HS2ST1: variants seen among roughly 807,000 people sequenced by gnomAD.
HS2ST1 encodes heparan sulfate 2-O-sulfotransferase 1.
A neutral mutation model predicts 42.9 loss-of-function variants in HS2ST1; 18 were observed. The ratio of observed to expected loss-of-function variants is 0.42; its 90% CI spans 0.29 to 0.62. HS2ST1 has a LOEUF of 0.62. HS2ST1 is among the 20% of genes least tolerant of loss of function. The pLI is 0.21. For synonymous variants in HS2ST1, 146 were observed against 152.9 expected, an observed-to-expected ratio of 0.95 and a Z score of 0.33; for missense variants, 334 against 433.8, an observed-to-expected ratio of 0.77 and a Z score of 2.04.
intron 1 of HS2ST1, among the ~76,000 whole-genome samples, chr1:87,022,337 T>C (rs527810310): frequency 1.3e-5 from 2 of 152,010 alleles, no homozygotes; most frequent in Admixed American, 1.3e-4. Flanking sequence ...TACTCATATA[T>C]TGTTATGAGC....
intron 3 of HS2ST1, among the ~76,000 whole-genome samples, chr1:87,086,170 C>T (rs1651811446): frequency 6.6e-6 from 1 of 152,094 alleles, no homozygotes; most frequent in Non-Finnish European, 1.5e-5. Flanking sequence ...ATCGCCTTAC[C>T]AATTTTTTAG....
chr1:86,918,464 T>A (rs1009952892), intron 1 of HS2ST1, among the ~76,000 whole-genome samples: 1 of 151,974 alleles, frequency 6.6e-6, no homozygotes, highest in Non-Finnish European at 1.5e-5. Flanking sequence ...GTCCCCCATC[T>A]GTCGTGTGTG....
At chr1:86,949,807 A>G (rs1281147572) in intron 1 of HS2ST1, among the ~76,000 whole-genome samples, 1 of 152,120 alleles carries the variant, frequency 6.6e-6, no homozygotes, top group East Asian at 1.9e-4. Flanking sequence ...TTTTACCCCC[A>G]ATAATTAGAC....
chr1:87,072,202 A>G (rs1651429530), intron 1 of HS2ST1, among the ~76,000 whole-genome samples: 1 of 152,156 alleles, frequency 6.6e-6, no homozygotes. Context: ...CATAGTTTCT[A>G]ATGCAACACC....
chr1:86,942,533 T>C (rs1000655925), intron 1 of HS2ST1, among the ~76,000 whole-genome samples: 1 of 152,148 alleles, frequency 6.6e-6, no homozygotes, highest in Admixed American at 6.5e-5. Flanking sequence ...ATTTTTGGAG[T>C]TCTAAATCTA....
intron 1 of HS2ST1, among the ~76,000 whole-genome samples, chr1:87,062,636 T>C (rs1284784583): frequency 6.6e-6 from 1 of 152,224 alleles, no homozygotes; most frequent in Non-Finnish European, 1.5e-5. Flanking sequence ...TCCATTTTTT[T>C]GTTTGTTCTT....
chr1:87,035,305 C>T (rs968657681), intron 1 of HS2ST1, among the ~76,000 whole-genome samples: 2 of 152,140 alleles, frequency 1.3e-5, no homozygotes, highest in Admixed American at 6.6e-5. Context: ...AATTTTTAAC[C>T]TATCGGTATT....
intron 1 of HS2ST1, among the ~76,000 whole-genome samples, chr1:86,927,515 C>T (rs1010991623): frequency 1.3e-5 from 2 of 152,144 alleles, no homozygotes; most frequent in Non-Finnish European, 2.9e-5. Flanking sequence ...AATTCCAGCA[C>T]AAGTTAGGAA....
chr1:87,082,877 A>G (rs1399245721), intron 2 of HS2ST1, among the ~76,000 whole-genome samples: 2 of 152,224 alleles, frequency 1.3e-5, no homozygotes, highest in East Asian at 1.9e-4. Context: ...TGCTAAAATG[A>G]CATTGTATAC....
rs1400917951 is a variant in HS2ST1, at chr1:87,000,071, A to G, written c.125-72863A>G. On this transcript the variant is annotated intron_variant, in intron 1 of 6. Coordinates refer to ENST00000370550, the MANE Select transcript of HS2ST1 (RefSeq NM_012262.4). ...GTGTTTTCAGTTAACAGGGTTGGTT[A>G]TGTAGTAACCAACTCCTAGCAAATC... Among the ~76,000 whole-genome samples the G allele has an allele frequency of 2.0e-5, 3 of 151,244 alleles. No individual in the cohort carries two copies. In the Admixed American group the frequency reaches 2.0e-4, roughly 10 times the overall value.
intron 1 of HS2ST1, among the ~76,000 whole-genome samples, chr1:86,963,923 C>G (rs1302485502): frequency 1.4e-5 from 2 of 146,464 alleles, no homozygotes; most frequent in Admixed American, 6.6e-5. Context: ...CCGGACGGGG[C>G]GGCTGCTGGG....
Position 87,043,321 on chromosome 1 carries a change from A to G in HS2ST1, c.125-29613A>G, listed in dbSNP as rs115697051. ...AATAAATTATGTAAGTTTAAGAACT[A>G]TTAAACTTTTAAGATTAACAATGTA... On this transcript the variant is annotated intron_variant, in intron 1 of 6. Transcript: ENST00000370550. Among the ~76,000 whole-genome samples, 591 of 152,258 alleles carry G rather than the reference A, an allele frequency of 3.9e-3. 4 individuals carry two copies. Among genetic ancestry groups the G allele is most frequent in the African/African-American group, 0.014 (568 of 41,576 alleles).
intron 1 of HS2ST1, among the ~76,000 whole-genome samples, chr1:86,959,613 A>G (rs1402090481): frequency 6.6e-6 from 1 of 152,164 alleles, no homozygotes; most frequent in Admixed American, 6.5e-5. Context: ...AGCTGAGATC[A>G]CGCCACTGCT....
At chr1:87,001,655 C>T (rs1247519630) in intron 1 of HS2ST1, among the ~76,000 whole-genome samples, 9 of 152,062 alleles carry the variant, frequency 5.9e-5, no homozygotes, top group East Asian at 1.9e-4. Flanking sequence ...CTCTTTTTGC[C>T]GAGTCGGGAG....
At chr1:86,952,243 A>T in intron 1 of HS2ST1, among the ~76,000 whole-genome samples, 1 of 152,086 alleles carries the variant, frequency 6.6e-6, no homozygotes, top group East Asian at 1.9e-4. Flanking sequence ...CTTAAATAAT[A>T]AATACTTTTT....
intron 1 of HS2ST1, among the ~76,000 whole-genome samples, chr1:87,023,624 G>GT (rs1650006904): frequency 6.6e-6 from 1 of 152,106 alleles, no homozygotes; most frequent in Non-Finnish European, 1.5e-5. Flanking sequence ...GACAAGAACT[G>GT]TATTTTATTT....
rs1028589162 is a variant in HS2ST1 at position 86,970,910 on chromosome 1, A to G, written c.124+55750A>G. ...TTACAGGTCAAATATTTTAATATTT[A>G]TATATATAATAGATGCCAGTTAGCA... is the stretch of plus-strand genomic sequence containing the variant. On this transcript the variant is annotated intron_variant, in intron 1 of 6. Coordinates refer to ENST00000370550, the MANE Select transcript of HS2ST1 (RefSeq NM_012262.4). 5.3e-5 allele frequency among the ~76,000 whole-genome samples: 8 copies of G among 152,274 alleles called. No homozygotes were observed. The South Asian group carries it at 6.2e-4, about 12-fold the overall frequency.
At chr1:87,062,930 A>C (rs1651153700) in intron 1 of HS2ST1, among the ~76,000 whole-genome samples, 1 of 152,114 alleles carries the variant, frequency 6.6e-6, no homozygotes, top group African/African-American at 2.4e-5. Flanking sequence ...TGCATTCAAG[A>C]CTTTTTTTGT....
chr1:86,987,721 C>T lies in HS2ST1; in HGVS notation c.124+72561C>T, dbSNP rs528856061. Among the ~76,000 whole-genome samples the T allele has an allele frequency of 2.6e-5, 4 of 152,326 alleles. No individual in the cohort carries two copies. The East Asian group carries it at 7.7e-4, about 29-fold the overall frequency. ...TCTCCTGTTAGTCTGTCTCTATTCA[C>T]TTTGTTCTAGGAACATCATTGTCTT... On this transcript the variant is annotated intron_variant, in intron 1 of 6. Coordinates refer to ENST00000370550, the MANE Select transcript of HS2ST1 (RefSeq NM_012262.4).
Sources: allele counts gnomAD v4.1 joint callset (sites outside exome capture counted in the v4.1 genomes callset), GRCh38; gene constraint gnomAD v4.1.1; transcripts MANE v1.5; gene names NCBI Gene and HGNC (gene_info 2026-07-23, HGNC 2026-07-21).